SETBP1: variants seen among roughly 807,000 people sequenced by gnomAD.
The protein encoded by SETBP1 is SET-binding protein.
A neutral mutation model predicts 101.0 loss-of-function variants in SETBP1; 9 were observed. The ratio of observed to expected loss-of-function variants is 0.09; its 90% CI spans 0.05 to 0.16. The LOEUF (loss-of-function observed/expected upper bound fraction) is 0.16, where lower values mean the gene tolerates loss of function less well. Ranked by LOEUF, SETBP1 falls within the 10% of genes least tolerant of loss-of-function variation. The pLI is 1.00. For synonymous variants in SETBP1, 818 were observed against 788.5 expected, an observed-to-expected ratio of 1.04 and a Z score of -0.63; for missense variants, 1,858 against 2,033.8, an observed-to-expected ratio of 0.91 and a Z score of 1.66.
intron 2 of SETBP1, among the ~76,000 whole-genome samples, chr18:44,816,124 G>A (rs2071969966): frequency 6.6e-6 from 1 of 152,162 alleles, no homozygotes; most frequent in Admixed American, 6.5e-5. Flanking sequence ...GTGAGGGAGG[G>A]GCTCCAAGGG....
intron 3 of SETBP1, among the ~76,000 whole-genome samples, chr18:44,917,030 A>G (rs1211777710): frequency 6.6e-6 from 1 of 152,248 alleles, no homozygotes; most frequent in Non-Finnish European, 1.5e-5. Flanking sequence ...ACCATGCCCT[A>G]TTAATTGATT....
chr18:44,896,582 T>C (rs1397321974), intron 3 of SETBP1, among the ~76,000 whole-genome samples: 1 of 152,130 alleles, frequency 6.6e-6, no homozygotes, highest in African/African-American at 2.4e-5. Context: ...AACCTCTGCC[T>C]CCTGGGTTCA....
At chr18:44,895,185 G>C (rs1384318042) in intron 3 of SETBP1, among the ~76,000 whole-genome samples, 1 of 102,088 alleles carries the variant, frequency 9.8e-6, no homozygotes, top group Non-Finnish European at 2.1e-5. Flanking sequence ...GAGGGGAGGG[G>C]ATGGGAGGGG....
chr18:45,015,114 G>T (rs1289012799), intron 4 of SETBP1, among the ~76,000 whole-genome samples: 1 of 152,180 alleles, frequency 6.6e-6, no homozygotes, highest in Non-Finnish European at 1.5e-5. Flanking sequence ...ATTTTTCGGG[G>T]TCCAAGGCAC....
In SETBP1 at chr18:44,680,936, G is replaced by C. The variant is rs980587630; in HGVS notation, c.-258G>C. The C allele has an allele frequency of 1.3e-5, 2 of 151,932 alleles. No homozygotes were observed. The highest frequency in any genetic ancestry group is 2.9e-5 in the Non-Finnish European group (2 of 68,006). The allele number at this position is 151,932 out of a possible 1,614,324, so 9.4% of individuals were successfully genotyped here. A position where few individuals can be genotyped will look rare whatever the true frequency, so the allele number is the denominator to read the frequency against. On this transcript the variant is annotated 5_prime_UTR_variant, in exon 1 of 6. Transcript: ENST00000649279. ...TAGAGAGCTACATTGTAACCTAGTTGGATTTTTTTGGGGGGGGAATGTATC... is the reference window on the plus strand; with the variant it reads ...TAGAGAGCTACATTGTAACCTAGTTCGATTTTTTTGGGGGGGGAATGTATC...
At chr18:44,763,541 G>A (rs1395866730) in intron 2 of SETBP1, among the ~76,000 whole-genome samples, 3 of 152,212 alleles carry the variant, frequency 2.0e-5, no homozygotes. Context: ...GATGTTTACT[G>A]TATTGACTCT....
chr18:44,723,510 A>T (rs146549321), intron 2 of SETBP1, among the ~76,000 whole-genome samples: 1 of 152,196 alleles, frequency 6.6e-6, no homozygotes, highest in African/African-American at 2.4e-5. Flanking sequence ...GCGGGGGGAA[A>T]AAAAACAACA....
intron 4 of SETBP1, among the ~76,000 whole-genome samples, chr18:45,034,466 T>C (rs537305753): frequency 9.9e-5 from 15 of 152,202 alleles, no homozygotes; most frequent in Admixed American, 3.3e-4. Flanking sequence ...AAGTGGTCTA[T>C]GAGAAATTAC....
chr18:44,739,998 T>C (rs1410323486), intron 2 of SETBP1, among the ~76,000 whole-genome samples: 1 of 152,196 alleles, frequency 6.6e-6, no homozygotes, highest in Non-Finnish European at 1.5e-5. Context: ...GAGGATGAGA[T>C]CGTCTTGTTT....
intron 4 of SETBP1, among the ~76,000 whole-genome samples, chr18:44,962,043 C>T (rs574275057): frequency 6.6e-6 from 1 of 152,272 alleles, no homozygotes; most frequent in South Asian, 2.1e-4. Context: ...CAGCATATAG[C>T]ATAGTGCCAG....
chr18:44,745,909 T>A (rs1039314389), intron 2 of SETBP1, among the ~76,000 whole-genome samples: 1 of 152,110 alleles, frequency 6.6e-6, no homozygotes, highest in African/African-American at 2.4e-5. Context: ...TCATAGAACT[T>A]GAGTGTCCAG....
At chr18:45,044,960 G>A (rs1299980451) in intron 5 of SETBP1, among the ~76,000 whole-genome samples, 3 of 152,124 alleles carry the variant, frequency 2.0e-5, no homozygotes, top group African/African-American at 7.2e-5. Flanking sequence ...TTGCTTCTTT[G>A]CTGGGCAAAA....
intron 3 of SETBP1, among the ~76,000 whole-genome samples, chr18:44,908,726 G>A (rs1378425029): frequency 6.6e-6 from 1 of 152,080 alleles, no homozygotes; most frequent in East Asian, 1.9e-4. Context: ...TCTGTAGAAA[G>A]GCTCTCCTAG....
chr18:45,025,280 A>T (rs1237043628), intron 4 of SETBP1, among the ~76,000 whole-genome samples: 7 of 152,224 alleles, frequency 4.6e-5, no homozygotes, highest in Non-Finnish European at 1.0e-4. Context: ...GTAAGCGAGG[A>T]TGAGTAAATC....
Position 44,764,000 on chromosome 18 carries a change from G to T in SETBP1, c.486+62168G>T, listed in dbSNP as rs548343947. On this transcript the variant is annotated intron_variant, in intron 2 of 5. Transcript: ENST00000649279. ...GTTTATCTATACCCTGGACCTAACAGCTGGACTCCAAACTAATATCCGTTG... is the reference window on the plus strand; with the variant it reads ...GTTTATCTATACCCTGGACCTAACATCTGGACTCCAAACTAATATCCGTTG... Among the ~76,000 whole-genome samples the T allele has an allele frequency of 1.8e-4, 28 of 152,282 alleles. No individual in the cohort carries two copies. In the South Asian group the frequency reaches 4.6e-3, roughly 25 times the overall value.
intron 4 of SETBP1, among the ~76,000 whole-genome samples, chr18:44,971,020 C>T (rs2071841733): frequency 6.6e-6 from 1 of 151,642 alleles, no homozygotes; most frequent in Non-Finnish European, 1.5e-5. Flanking sequence ...CCTCCCCCCT[C>T]TCCCCTTCCC....
intron 2 of SETBP1, among the ~76,000 whole-genome samples, chr18:44,703,916 G>A (rs1286036089): frequency 1.3e-5 from 2 of 152,138 alleles, no homozygotes; most frequent in Non-Finnish European, 2.9e-5. Flanking sequence ...TTTGTTTCTG[G>A]CCATTGAGTT....
intron 2 of SETBP1, among the ~76,000 whole-genome samples, chr18:44,788,166 G>A (rs1179769107): frequency 6.6e-6 from 1 of 151,862 alleles, no homozygotes; most frequent in Non-Finnish European, 1.5e-5. Flanking sequence ...CTGGCTCCTG[G>A]GAAAAGCCAT....
In SETBP1 at chr18:44,952,827, A is replaced by G. The variant is rs780711921; in HGVS notation, c.3487A>G (p.Ile1163Val). 2 of 1,614,134 alleles carry G rather than the reference A, an allele frequency of 1.2e-6. No individual in the cohort carries two copies. The change falls in exon 4 of 6, where the codon ATC (isoleucine) becomes GTC (valine). Residue 1163 changes from isoleucine to valine, a missense_variant. Around this residue, in one of 12 missense-constraint regions of SETBP1, gnomAD observed 417 missense variants for 389.1 expected, o/e 1.07. Coordinates refer to ENST00000649279, the MANE Select transcript of SETBP1 (RefSeq NM_015559.3). ...KHKHKHKEDR[I>V]LGTHDNLSGL... ...CAAGCATAAGCACAAGGAAGACCGG[A>G]TCCTAGGGACCCATGACAACCTGAG... is the stretch of plus-strand genomic sequence containing the variant.
Sources: gnomAD v4.1 joint callset for allele counts (sites outside exome capture counted in the v4.1 genomes callset) on GRCh38, gnomAD v4.1.1 for gene constraint, gnomAD v4.1.1 regional missense constraint, MANE v1.5 for transcripts, NCBI Gene and HGNC (gene_info 2026-07-23, HGNC 2026-07-21) for gene names.